Variants in CRYBG3 observed in about 807,000 individuals in gnomAD.
The protein encoded by CRYBG3 is very large A-kinase anchor protein.
CRYBG3 carries 127 observed loss-of-function variants against 244.2 expected under a neutral mutation model. The ratio of observed to expected loss-of-function variants is 0.52; its 90% CI spans 0.45 to 0.60. CRYBG3 has a LOEUF of 0.60. Among genes scored for constraint, CRYBG3 ranks in the 20% least tolerant of loss-of-function variants. CRYBG3 has a pLI of 0.00. For synonymous variants in CRYBG3, 1,132 were observed against 1,195.8 expected (o/e 0.95, Z 1.10); for missense variants, 3,325 against 3,442.5 (o/e 0.97, Z 0.85).
Position 97,872,443 on chromosome 3 carries a change from A to T in CRYBG3, c.1249A>T (p.Asn417Tyr). ...TIKENSTVMS[N>Y]RTLVQREELV... ...AAAAGAAAACAGCACTGTGATGAGTAATAGGACATTGGTGCAAAGAGAGGA... is the reference window on the plus strand; with the variant it reads ...AAAAGAAAACAGCACTGTGATGAGTTATAGGACATTGGTGCAAAGAGAGGA... The change falls in exon 4 of 22, where the codon AAT becomes TAT. Residue 417 changes from asparagine (N) to tyrosine (Y), a missense_variant. By Grantham distance (143) the Asn-to-Tyr change is moderately radical. Around this residue, in one of 4 missense-constraint regions of CRYBG3, gnomAD observed 1,526 missense variants for 1,443.2 expected, o/e 1.06. Transcript: ENST00000389622. The T allele has an allele frequency of 6.5e-7, 1 of 1,535,988 alleles. No individual in the cohort carries two copies. Among genetic ancestry groups the T allele is most frequent in the Non-Finnish European group, 8.7e-7 (1 of 1,146,800 alleles).
At chr3:97,840,455 G>C (rs1478862501) in intron 1 of CRYBG3, among the ~76,000 whole-genome samples, 1 of 152,054 alleles carries the variant, frequency 6.6e-6, no homozygotes. Context: ...ATTTCTTTTG[G>C]TGATTTTAAC....
chr3:97,940,624 C>A (rs984677659), intron 19 of CRYBG3, among the ~76,000 whole-genome samples: 3 of 152,024 alleles, frequency 2.0e-5, no homozygotes, highest in African/African-American at 7.2e-5. Context: ...CATACATGGT[C>A]TCTACTTTTG....
intron 17 of CRYBG3, among the ~76,000 whole-genome samples, chr3:97,922,881 A>G (rs1335144107): frequency 3.9e-5 from 6 of 152,132 alleles, no homozygotes; most frequent in Non-Finnish European, 1.5e-5. Flanking sequence ...ATAAAGACAC[A>G]TGCACACATA....
rs955042749 is a variant in CRYBG3, at chr3:97,935,631, T to A, written c.8382-1154T>A. ...TTTCCTGCATTACCTGAAGAACAAGTCCCTAAGGAATATTGCACTTTGTGA... is the reference window on the plus strand; with the variant it reads ...TTTCCTGCATTACCTGAAGAACAAGACCCTAAGGAATATTGCACTTTGTGA... On this transcript the variant is annotated intron_variant, in intron 18 of 21. Coordinates refer to ENST00000389622, the MANE Select transcript of CRYBG3 (RefSeq NM_153605.4). Among the ~76,000 whole-genome samples, 7 of 152,036 alleles carry A rather than the reference T, an allele frequency of 4.6e-5. No individual in the cohort carries two copies. In the East Asian group the frequency reaches 1.4e-3, roughly 29 times the overall value.
chr3:97,865,056 C>T (rs972521848), intron 3 of CRYBG3, among the ~76,000 whole-genome samples: 2 of 152,126 alleles, frequency 1.3e-5, no homozygotes, highest in Non-Finnish European at 2.9e-5. Flanking sequence ...TAAATGGACT[C>T]TGTTCATGAA....
At chr3:97,867,267 T>G (rs2039244986) in intron 3 of CRYBG3, 1 of 152,228 alleles carries the variant, frequency 6.6e-6, no homozygotes, top group African/African-American at 2.4e-5. Context: ...AAATGTAAAG[T>G]CTTTCATTAG....
Position 97,914,941 on chromosome 3 carries a change from T to C in CRYBG3, c.8115-669T>C, listed in dbSNP as rs189424219. On this transcript the variant is annotated intron_variant, in intron 16 of 21. Coordinates refer to ENST00000389622, the MANE Select transcript of CRYBG3 (RefSeq NM_153605.4). ...TGGGCTCCTTCTTTTCAAAAGGCTG[T>C]GTTTAGCAAACTTTTGATGAATGCT... Among the ~76,000 whole-genome samples, 26 of 152,300 alleles carry C rather than the reference T, an allele frequency of 1.7e-4. No individual in the cohort carries two copies. In the East Asian group the frequency reaches 4.8e-3, roughly 28 times the overall value.
intron 3 of CRYBG3, among the ~76,000 whole-genome samples, chr3:97,865,744 G>A (rs893011799): frequency 1.3e-5 from 2 of 152,020 alleles, no homozygotes; most frequent in East Asian, 1.9e-4. Context: ...CCTCATCTTT[G>A]TACTAAAGTA....
At chr3:97,822,416 C>G (rs2038515037) in intron 1 of CRYBG3, 61 bp downstream of exon 1, 1 of 1,369,448 alleles carries the variant, frequency 7.3e-7, no homozygotes, top group African/African-American at 1.5e-5. Context: ...TGAAGGCTCC[C>G]GGCCTGACCG....
At chr3:97,841,230 A>G (rs2038809487) in intron 1 of CRYBG3, among the ~76,000 whole-genome samples, 1 of 150,032 alleles carries the variant, frequency 6.7e-6, no homozygotes, top group Admixed American at 6.7e-5. Flanking sequence ...ATATGTATAT[A>G]TGTGTGTATA....
In CRYBG3 at chr3:97,874,379, C is replaced by T; in HGVS notation, c.3185C>T (p.Ser1062Phe). The change falls in exon 4 of 22, where the codon TCT (serine) becomes TTT (phenylalanine). Residue 1062 changes from serine (S) to phenylalanine (F), a missense_variant. Coordinates refer to ENST00000389622, the MANE Select transcript of CRYBG3 (RefSeq NM_153605.4). ...AATGGTGGTATTGATAGTGTGTCAT[C>T]TTCCTCTAGTTACCCTGAAGAAGTT... The part of the protein sequence containing the change: ...FLNGGIDSVS[S>F]SSSYPEEVSM... 6.5e-7 allele frequency: 1 copy of T among 1,531,112 alleles called. No individual in the cohort carries two copies. The highest frequency in any genetic ancestry group is 8.7e-7 in the Non-Finnish European group (1 of 1,145,488). 94.8% of individuals were successfully genotyped at this position (1,531,112 alleles called of 1,614,324 possible).
At chr3:97,866,007 A>G (rs1157392450) in intron 3 of CRYBG3, among the ~76,000 whole-genome samples, 1 of 152,174 alleles carries the variant, frequency 6.6e-6, no homozygotes, top group African/African-American at 2.4e-5. Flanking sequence ...TTAGACAACA[A>G]CTCACCAATA....
At position 97,874,312 on chromosome 3, in the gene CRYBG3, A is replaced by G. The variant is rs1049256223; in HGVS notation, c.3118A>G (p.Lys1040Glu). Residue 1040 changes from lysine (K) to glutamate (E), a missense_variant, in exon 4 of 22, where the codon AAA becomes GAA. By Grantham distance (56) the Lys-to-Glu change is moderately conservative. Around this residue, in one of 4 missense-constraint regions of CRYBG3, gnomAD observed 1,526 missense variants for 1,443.2 expected, o/e 1.06. Transcript: ENST00000389622. ...ACCTTCTGTGCTGAAATTGGAAAAG[A>G]AATCCTCATCTTACAGAAAGAAAGA... Reference protein sequence around the residue: ...KVPSVLKLEKKSSSYRKKENI... With the variant: ...KVPSVLKLEKESSSYRKKENI... 4.2e-5 allele frequency: 64 copies of G among 1,527,550 alleles called. No individual in the cohort carries two copies. The highest frequency in any genetic ancestry group is 5.2e-5 in the Non-Finnish European group (59 of 1,144,862). 94.6% of individuals were successfully genotyped at this position (1,527,550 alleles called of 1,614,324 possible).
At chr3:97,850,424 G>T (rs1417663285) in intron 2 of CRYBG3, among the ~76,000 whole-genome samples, 3 of 152,052 alleles carry the variant, frequency 2.0e-5, no homozygotes, top group Non-Finnish European at 4.4e-5. Context: ...AAAGTAACAC[G>T]CCAGATATAA....
rs777857849 is a variant in CRYBG3 at position 97,877,000 on chromosome 3, A to G, written c.5806A>G (p.Thr1936Ala). 4 of 1,528,368 alleles carry G rather than the reference A, an allele frequency of 2.6e-6. No individual in the cohort carries two copies. In the East Asian group the frequency reaches 6.8e-5, roughly 26 times the overall value. 94.7% of individuals were successfully genotyped at this position (1,528,368 alleles called of 1,614,324 possible). ...ATATTTCAGGGGATATGAATCCCCT[A>G]CATTAAGTAAGGATTATGAGGGCTA... ...PTYFRGYESP[T>A]LSKDYEGYPA... Residue 1936 changes from threonine (T) to alanine (A), a missense_variant, in exon 4 of 22, where the codon ACA (threonine) becomes GCA (alanine). Transcript: ENST00000389622.
chr3:97,871,311 G>A (rs970888558), intron 3 of CRYBG3, among the ~76,000 whole-genome samples: 1 of 152,200 alleles, frequency 6.6e-6, no homozygotes, highest in African/African-American at 2.4e-5. Flanking sequence ...CATACTGAGT[G>A]TTTACTGTGG....
intron 1 of CRYBG3, among the ~76,000 whole-genome samples, chr3:97,828,576 C>A (rs180906057): frequency 6.7e-6 from 1 of 150,200 alleles, no homozygotes; most frequent in African/African-American, 2.4e-5. Flanking sequence ...CCTGTAATCC[C>A]AGCACTTTGG....
rs2038514979 is a variant in CRYBG3, at chr3:97,822,413, T to A, written c.149+58T>A. 3.6e-6 allele frequency: 5 copies of A among 1,380,188 alleles called. No individual in the cohort carries two copies. The South Asian group carries it at 4.7e-5, about 13-fold the overall frequency. 85.5% of individuals were successfully genotyped at this position (1,380,188 alleles called of 1,614,324 possible). A position where few individuals can be genotyped will look rare whatever the true frequency, so the allele number is the denominator to read the frequency against. Reference sequence around the variant, plus strand: ...CTGCACATATTCGCGGGATGAAGGCTCCCGGCCTGACCGCCGGCAGCGGGC... The same window carrying A: ...CTGCACATATTCGCGGGATGAAGGCACCCGGCCTGACCGCCGGCAGCGGGC... On this transcript the variant is annotated intron_variant, in intron 1 of 21. Transcript: ENST00000389622.
intron 9 of CRYBG3, among the ~76,000 whole-genome samples, chr3:97,889,003 C>G (rs1322335169): frequency 6.6e-6 from 1 of 152,154 alleles, no homozygotes; most frequent in African/African-American, 2.4e-5. Flanking sequence ...TCTAAGTTTA[C>G]TAGCAATACC....
Sources: gnomAD v4.1 joint callset for allele counts (sites outside exome capture counted in the v4.1 genomes callset) on GRCh38, gnomAD v4.1.1 for gene constraint, gnomAD v4.1.1 regional missense constraint, MANE v1.5 for transcripts, NCBI Gene and HGNC (gene_info 2026-07-23, HGNC 2026-07-21) for gene names.